Variants in ZBTB20 observed in about 807,000 individuals in gnomAD.
ZBTB20 encodes the protein zinc finger and BTB domain-containing protein 20.
A neutral mutation model predicts 56.9 loss-of-function variants in ZBTB20; 9 were observed. The observed-to-expected ratio is 0.16, with a 90% CI of 0.10 to 0.28. The LOEUF (loss-of-function observed/expected upper bound fraction) is 0.28. Among genes scored for constraint, ZBTB20 ranks in the 10% least tolerant of loss-of-function variants. The probability of loss-of-function intolerance (pLI) is 1.00; values close to 1 mark genes in which losing one functional copy is unlikely to be tolerated. For missense variants in ZBTB20, 655 were observed against 1,003.0 expected (o/e 0.65, Z 4.69); for synonymous variants, 417 against 420.7 (o/e 0.99, Z 0.11).
rs190159441 is a variant in ZBTB20 at position 115,078,708 on chromosome 3, A to G, written c.-702-7294T>C. The stretch of plus-strand genomic sequence containing the variant: ...GGTAGTTGGGAATGAAGAAACCAGC[A>G]ATGGTAATAACAAGATAATAGAAAT... On this transcript the variant is annotated intron_variant, in intron 1 of 11. Coordinates refer to ENST00000675478, the MANE Select transcript of ZBTB20 (RefSeq NM_001348800.3). Among the ~76,000 whole-genome samples the G allele has an allele frequency of 3.0e-3, 459 of 150,940 alleles. 1 individual carries two copies. The highest frequency in any genetic ancestry group is 0.011 in the African/African-American group (437 of 41,166).
chr3:114,318,614 G>A lies in ZBTB20; in HGVS notation c.*20391C>T, dbSNP rs139928300. ...CACCTTTATGCCTCTCTTTGCATCAGGTTGGCCCCCAGTCCCTAAGAAGGC... is the reference window on the plus strand; with the variant it reads ...CACCTTTATGCCTCTCTTTGCATCAAGTTGGCCCCCAGTCCCTAAGAAGGC... On this transcript the variant is annotated 3_prime_UTR_variant, in exon 12 of 12. Transcript: ENST00000675478. 6.6e-6 allele frequency: 1 copy of A among 152,270 alleles called. No individual in the cohort carries two copies. The highest frequency in any genetic ancestry group is 2.1e-4 in the South Asian group (1 of 4,822). 9.4% of individuals were successfully genotyped at this position (152,270 alleles called of 1,614,324 possible).
intron 2 of ZBTB20, among the ~76,000 whole-genome samples, chr3:115,030,302 G>A (rs1365446348): frequency 1.3e-5 from 2 of 150,906 alleles, no homozygotes; most frequent in African/African-American, 4.8e-5. Context: ...TAGACAACAA[G>A]AAGTCTTCTT....
chr3:115,082,441 C>T (rs572511648), intron 1 of ZBTB20, among the ~76,000 whole-genome samples: 1 of 152,098 alleles, frequency 6.6e-6, no homozygotes, highest in Admixed American at 6.6e-5. Flanking sequence ...CTGCACTTTG[C>T]TTATAAAACA....
Position 114,952,126 on chromosome 3 carries a change from G to A in ZBTB20, c.-456+22240C>T, listed in dbSNP as rs945849070. ...TATATTAACAGAAGCAGAGAAGAAA[G>A]AGTGTGCTATGTGTTGAATGCCCCC... On this transcript the variant is annotated intron_variant, in intron 3 of 11. Transcript: ENST00000675478. Among the ~76,000 whole-genome samples the A allele has an allele frequency of 2.0e-5, 3 of 152,068 alleles. No individual in the cohort carries two copies. In the East Asian group the frequency reaches 5.8e-4, roughly 29 times the overall value.
At chr3:114,771,648 T>G (rs2069210102) in intron 5 of ZBTB20, among the ~76,000 whole-genome samples, 1 of 152,214 alleles carries the variant, frequency 6.6e-6, no homozygotes, top group Non-Finnish European at 1.5e-5. Context: ...TATATTTCTC[T>G]CTTAATATTC....
chr3:114,906,641 T>C (rs2075329204), intron 3 of ZBTB20, among the ~76,000 whole-genome samples: 1 of 151,578 alleles, frequency 6.6e-6, no homozygotes, highest in South Asian at 2.1e-4. Context: ...AAGTAGCTAT[T>C]AGCATTATCT....
intron 5 of ZBTB20, among the ~76,000 whole-genome samples, chr3:114,777,257 A>G (rs1818847): frequency 0.86 from 130,712 of 152,148 alleles, 57,004 homozygotes; most frequent in East Asian, 0.98. Flanking sequence ...GGTGGCTCAC[A>G]CCTGTAATCC....
At chr3:114,683,226 T>A (rs1260589479) in intron 6 of ZBTB20, among the ~76,000 whole-genome samples, 1 of 152,186 alleles carries the variant, frequency 6.6e-6, no homozygotes, top group African/African-American at 2.4e-5. Context: ...AAGGTGATCA[T>A]CTTGGTCACC....
chr3:114,703,762 A>G (rs2063538780), intron 5 of ZBTB20, among the ~76,000 whole-genome samples: 1 of 152,188 alleles, frequency 6.6e-6, no homozygotes, highest in South Asian at 2.1e-4. Context: ...TAACTTAACA[A>G]TGGTCACTTT....
chr3:114,862,639 C>T (rs1298836368), intron 4 of ZBTB20, among the ~76,000 whole-genome samples: 1 of 152,158 alleles, frequency 6.6e-6, no homozygotes, highest in Admixed American at 6.5e-5. Flanking sequence ...GTGTCTTATT[C>T]ACTATTGTAT....
rs549770417 is a variant in ZBTB20 at position 114,334,321 on chromosome 3, A to G, written c.*4684T>C. The G allele has an allele frequency of 6.6e-6, 1 of 152,332 alleles. No individual in the cohort carries two copies. The highest frequency in any genetic ancestry group is 2.1e-4 in the South Asian group (1 of 4,834). 9.4% of individuals were successfully genotyped at this position (152,332 alleles called of 1,614,324 possible). A position where few individuals can be genotyped will look rare whatever the true frequency, so the allele number is the denominator to read the frequency against. ...GGGAGCATTGTGGAGGAGCCCCAACAAGGAAGCAACATATGGCTTTATTAT... is the reference window on the plus strand; with the variant it reads ...GGGAGCATTGTGGAGGAGCCCCAACGAGGAAGCAACATATGGCTTTATTAT... On this transcript the variant is annotated 3_prime_UTR_variant, in exon 12 of 12. Transcript: ENST00000675478.
chr3:114,488,312 G>A (rs555063654), intron 7 of ZBTB20, among the ~76,000 whole-genome samples: 2 of 152,026 alleles, frequency 1.3e-5, no homozygotes, highest in South Asian at 2.1e-4. Flanking sequence ...CCTGTTAGAC[G>A]GCTCATTTGT....
At chr3:115,138,907 G>C (rs374478423) in intron 1 of ZBTB20, among the ~76,000 whole-genome samples, 2 of 152,004 alleles carry the variant, frequency 1.3e-5, no homozygotes, top group Non-Finnish European at 2.9e-5. Flanking sequence ...CTTTAGAAGA[G>C]TTACAGTGAT....
intron 1 of ZBTB20, among the ~76,000 whole-genome samples, chr3:115,125,132 A>T (rs920098095): frequency 1.3e-5 from 2 of 152,038 alleles, no homozygotes; most frequent in South Asian, 2.1e-4. Context: ...TGCTTGAGGT[A>T]AGAGTCTGAG....
intron 6 of ZBTB20, among the ~76,000 whole-genome samples, chr3:114,604,101 T>C (rs181135121): frequency 7.4e-4 from 113 of 152,232 alleles, no homozygotes; most frequent in African/African-American, 2.5e-3. Flanking sequence ...TATAAGGTTG[T>C]TCACTGTAAT....
chr3:114,996,940 C>G (rs1253455126), intron 2 of ZBTB20, among the ~76,000 whole-genome samples: 2 of 151,940 alleles, frequency 1.3e-5, no homozygotes, highest in Non-Finnish European at 2.9e-5. Flanking sequence ...AAGATACCAT[C>G]TCATGCCAGT....
chr3:114,659,620 T>C (rs2060606964), intron 6 of ZBTB20, among the ~76,000 whole-genome samples: 1 of 152,286 alleles, frequency 6.6e-6, no homozygotes, highest in Non-Finnish European at 1.5e-5. Flanking sequence ...CAGAACTTAC[T>C]TGGTCCCTTG....
intron 7 of ZBTB20, among the ~76,000 whole-genome samples, chr3:114,490,454 C>T (rs2042615445): frequency 1.3e-5 from 2 of 152,098 alleles, no homozygotes; most frequent in African/African-American, 4.8e-5. Flanking sequence ...AACTCTTGAC[C>T]TCGTGATCTG....
intron 2 of ZBTB20, among the ~76,000 whole-genome samples, chr3:115,057,616 TA>T (rs1321497080): frequency 6.6e-6 from 1 of 152,206 alleles, no homozygotes; most frequent in African/African-American, 2.4e-5. Flanking sequence ...TTTACTCATA[TA>T]TTTACCATTT....
Sources: gnomAD v4.1 joint callset for allele counts (sites outside exome capture counted in the v4.1 genomes callset) on GRCh38, gnomAD v4.1.1 for gene constraint, MANE v1.5 for transcripts, NCBI Gene and HGNC (gene_info 2026-07-23, HGNC 2026-07-21) for gene names.